Variants in NMNAT2 observed in about 807,000 individuals in gnomAD.
NMNAT2 encodes the protein nicotinamide/nicotinic acid mononucleotide adenylyltransferase 2.
A neutral mutation model predicts 41.6 loss-of-function variants in NMNAT2; 11 were observed. The observed-to-expected ratio is 0.26, with a 90% confidence interval of 0.17 to 0.44. The LOEUF (loss-of-function observed/expected upper bound fraction) is 0.44. Among genes scored for constraint, NMNAT2 ranks in the 20% least tolerant of loss-of-function variants. NMNAT2 has a pLI of 1.00. For synonymous variants in NMNAT2, 148 were observed against 151.2 expected (o/e 0.98, Z 0.16); for missense variants, 288 against 407.7 (o/e 0.71, Z 2.53).
intron 1 of NMNAT2, among the ~76,000 whole-genome samples, chr1:183,376,759 C>T (rs1466188584): frequency 6.6e-6 from 1 of 152,170 alleles, no homozygotes; most frequent in Non-Finnish European, 1.5e-5. Context: ...TGAAGACAAG[C>T]CTGTTTTCCA....
intron 8 of NMNAT2, among the ~76,000 whole-genome samples, chr1:183,275,669 G>A (rs1343183600): frequency 1.1e-4 from 1 of 8,732 alleles, no homozygotes; most frequent in African/African-American, 1.2e-4. Context: ...GAGCATTTCC[G>A]TATTTTATTT....
intron 8 of NMNAT2, among the ~76,000 whole-genome samples, chr1:183,263,919 G>A (rs774084703): frequency 2.0e-4 from 30 of 152,178 alleles, no homozygotes; most frequent in Non-Finnish European, 3.8e-4. Context: ...CAAAGTTGGC[G>A]AACCAGTGGT....
At chr1:183,402,443 C>T (rs1648837434) in intron 1 of NMNAT2, among the ~76,000 whole-genome samples, 1 of 152,074 alleles carries the variant, frequency 6.6e-6, no homozygotes, top group African/African-American at 2.4e-5. Context: ...GTTAGGCTTC[C>T]CTAAAATTTG....
intron 1 of NMNAT2, among the ~76,000 whole-genome samples, chr1:183,404,389 C>T (rs981825064): frequency 1.3e-5 from 2 of 152,160 alleles, no homozygotes; most frequent in African/African-American, 4.8e-5. Flanking sequence ...TGCACCCAGC[C>T]TCAGAAATGT....
At chr1:183,356,132 A>C (rs1663179630) in intron 1 of NMNAT2, among the ~76,000 whole-genome samples, 3 of 152,246 alleles carry the variant, frequency 2.0e-5, no homozygotes, top group Non-Finnish European at 4.4e-5. Flanking sequence ...ATCTCATAGA[A>C]TCCTCAGGAC....
chr1:183,373,704 G>A (rs542406800), intron 1 of NMNAT2, among the ~76,000 whole-genome samples: 5 of 150,158 alleles, frequency 3.3e-5, no homozygotes, highest in South Asian at 2.1e-4. Flanking sequence ...TGCAACCTCC[G>A]CCTCCTGGGT....
intron 1 of NMNAT2, among the ~76,000 whole-genome samples, chr1:183,412,185 T>C (rs1031121555): frequency 1.3e-5 from 2 of 152,228 alleles, no homozygotes; most frequent in Non-Finnish European, 2.9e-5. Flanking sequence ...ATGATCTGAC[T>C]TAGATTTGGC....
intron 1 of NMNAT2, among the ~76,000 whole-genome samples, chr1:183,298,312 A>G (rs1661756090): frequency 6.6e-6 from 1 of 152,266 alleles, no homozygotes; most frequent in South Asian, 2.1e-4. Context: ...TAAATTTACA[A>G]GGAAACTCCA....
chr1:183,315,381 C>T (rs936908497), intron 1 of NMNAT2, among the ~76,000 whole-genome samples: 13 of 150,660 alleles, frequency 8.6e-5, no homozygotes, highest in African/African-American at 2.4e-4. Context: ...AAATGTATCA[C>T]GCATGTCGGT....
chr1:183,280,619 C>T (rs1461088345), intron 7 of NMNAT2, among the ~76,000 whole-genome samples: 2 of 151,766 alleles, frequency 1.3e-5, no homozygotes, highest in Non-Finnish European at 2.9e-5. Flanking sequence ...AACTCCTGAC[C>T]TCAAGTGATC....
At chr1:183,368,648 A>G (rs1663464878) in intron 1 of NMNAT2, among the ~76,000 whole-genome samples, 1 of 152,088 alleles carries the variant, frequency 6.6e-6, no homozygotes, top group South Asian at 2.1e-4. Flanking sequence ...AACTCTAAGC[A>G]CTTTGCTTCA....
intron 1 of NMNAT2, among the ~76,000 whole-genome samples, chr1:183,296,608 G>T (rs1160761918): frequency 6.6e-6 from 1 of 152,020 alleles, no homozygotes; most frequent in African/African-American, 2.4e-5. Flanking sequence ...CGCCTCCTGG[G>T]TTCAAGTGAT....
intron 1 of NMNAT2, among the ~76,000 whole-genome samples, chr1:183,389,420 AT>A (rs1648372865): frequency 6.6e-6 from 1 of 152,096 alleles, no homozygotes; most frequent in African/African-American, 2.4e-5. Flanking sequence ...AAGCTTTACT[AT>A]TTTGTAGTTG....
chr1:183,338,934 G>A (rs188310015), intron 1 of NMNAT2, among the ~76,000 whole-genome samples: 114 of 152,228 alleles, frequency 7.5e-4, no homozygotes, highest in African/African-American at 2.6e-3. Flanking sequence ...ATGAAACAGG[G>A]TGGGAAGGGC....
rs534056820 is a variant in NMNAT2 at position 183,341,195 on chromosome 1, G to A, written c.86-47402C>T. ...GTTTGCTCAGGTTGGTAGATTGAGC[G>A]CTGCGAGTCAAGAAGGCATCTGTGT... On this transcript the variant is annotated intron_variant, in intron 1 of 10. Coordinates refer to ENST00000287713, the MANE Select transcript of NMNAT2 (RefSeq NM_015039.4). Among the ~76,000 whole-genome samples the A allele has an allele frequency of 1.9e-4, 29 of 152,224 alleles. No individual in the cohort carries two copies. The South Asian group carries it at 5.8e-3, about 31-fold the overall frequency.
intron 1 of NMNAT2, among the ~76,000 whole-genome samples, chr1:183,404,449 T>G (rs1465425706): frequency 2.6e-5 from 4 of 152,188 alleles, no homozygotes; most frequent in African/African-American, 9.6e-5. Flanking sequence ...ATGCATATGC[T>G]TAGAAATACT....
chr1:183,288,968 T>C (rs1441460775), intron 4 of NMNAT2, among the ~76,000 whole-genome samples: 7 of 152,168 alleles, frequency 4.6e-5, no homozygotes, highest in African/African-American at 1.7e-4. Context: ...TTCAATTCCG[T>C]GGGGAAGAAA....
intron 8 of NMNAT2, among the ~76,000 whole-genome samples, chr1:183,265,489 A>G (rs1034695454): frequency 6.6e-6 from 1 of 150,514 alleles, no homozygotes; most frequent in Non-Finnish European, 1.5e-5. Context: ...CTGGTCTCAA[A>G]CTCCTGACCT....
chr1:183,405,615 A>G (rs962302088), intron 1 of NMNAT2, among the ~76,000 whole-genome samples: 7 of 152,262 alleles, frequency 4.6e-5, no homozygotes, highest in Admixed American at 1.3e-4. Context: ...GAGGAGCTAG[A>G]CAAAACTAAG....
Sources: allele counts gnomAD v4.1 joint callset (sites outside exome capture counted in the v4.1 genomes callset), GRCh38; gene constraint gnomAD v4.1.1; transcripts MANE v1.5; gene names NCBI Gene and HGNC (gene_info 2026-07-23, HGNC 2026-07-21).